The following SPAG16 variants were observed in gnomAD, a reference collection of about 807,000 sequenced individuals.
SPAG16 encodes the protein sperm associated antigen 16, also known as sperm-associated antigen 16 protein.
SPAG16 carries 86 observed loss-of-function variants against 80.4 expected under a neutral mutation model. That is an observed-to-expected ratio of 1.07 (90% CI 0.90 to 1.28). The LOEUF (loss-of-function observed/expected upper bound fraction) is 1.28. Among genes scored for constraint, SPAG16 ranks in the 50% most tolerant of loss-of-function variants. The pLI, the probability that SPAG16 is intolerant of heterozygous loss-of-function variation, is 0.00. For missense variants in SPAG16, 870 were observed against 765.3 expected (o/e 1.14, Z -1.61); for synonymous variants, 294 against 265.9 (o/e 1.11, Z -1.03).
intron 10 of SPAG16, among the ~76,000 whole-genome samples, chr2:213,861,302 G>A (rs757555067): frequency 6.6e-6 from 1 of 152,148 alleles, no homozygotes; most frequent in Non-Finnish European, 1.5e-5. Context: ...ATTAATGTAA[G>A]ATATAAATAA....
chr2:213,836,430 A>G (rs1243977182), intron 10 of SPAG16, among the ~76,000 whole-genome samples: 1 of 152,076 alleles, frequency 6.6e-6, no homozygotes, highest in Non-Finnish European at 1.5e-5. Flanking sequence ...CTCAACTATC[A>G]AAAACATTGC....
intron 10 of SPAG16, among the ~76,000 whole-genome samples, chr2:213,505,586 A>C (rs2074934610): frequency 6.6e-6 from 1 of 152,200 alleles, no homozygotes; most frequent in South Asian, 2.1e-4. Flanking sequence ...TAAATAATAC[A>C]TAATTACGTA....
At chr2:214,098,621 C>T (rs1257224787) in intron 13 of SPAG16, among the ~76,000 whole-genome samples, 2 of 152,042 alleles carry the variant, frequency 1.3e-5, no homozygotes, top group African/African-American at 4.8e-5. Flanking sequence ...AAATCTCTTT[C>T]GTTTAAGCCA....
intron 10 of SPAG16, among the ~76,000 whole-genome samples, chr2:213,792,164 G>A (rs1235916869): frequency 1.3e-5 from 2 of 152,178 alleles, no homozygotes; most frequent in African/African-American, 4.8e-5. Context: ...CAGAATTGAA[G>A]TAAGAACTAC....
At chr2:214,336,904 G>A in intron 15 of SPAG16, among the ~76,000 whole-genome samples, 1 of 36,812 alleles carries the variant, frequency 2.7e-5, no homozygotes. Context: ...TTTTCTAACA[G>A]TATAAAGACT....
At chr2:213,384,256 G>A (rs2067315932) in intron 9 of SPAG16, among the ~76,000 whole-genome samples, 2 of 152,144 alleles carry the variant, frequency 1.3e-5, no homozygotes, top group Admixed American at 6.5e-5. Flanking sequence ...CAGTTTTCAA[G>A]TCTCCTACTT....
intron 7 of SPAG16, among the ~76,000 whole-genome samples, chr2:213,355,469 C>G (rs1309895503): frequency 6.6e-6 from 1 of 152,162 alleles, no homozygotes; most frequent in Non-Finnish European, 1.5e-5. Flanking sequence ...TGGCCATTTT[C>G]AAGATATTGA....
chr2:213,327,474 C>T (rs59138793), intron 5 of SPAG16, among the ~76,000 whole-genome samples: 11,125 of 151,966 alleles, frequency 0.073, 1,333 homozygotes, highest in African/African-American at 0.25. Context: ...TTTCCTGGGA[C>T]GAGCACAAAT....
intron 9 of SPAG16, among the ~76,000 whole-genome samples, chr2:213,489,458 A>G (rs1668636123): frequency 6.6e-6 from 1 of 152,162 alleles, no homozygotes; most frequent in African/African-American, 2.4e-5. Flanking sequence ...ACTTTCAGTA[A>G]GTGTTTTTAA....
intron 3 of SPAG16, among the ~76,000 whole-genome samples, chr2:213,300,311 T>G (rs2062686562): frequency 6.6e-6 from 1 of 152,172 alleles, no homozygotes; most frequent in Non-Finnish European, 1.5e-5. Context: ...TAAGTAGAAT[T>G]TATGGAATTT....
intron 10 of SPAG16, among the ~76,000 whole-genome samples, chr2:213,782,846 A>C (rs1362473993): frequency 6.6e-6 from 1 of 152,200 alleles, no homozygotes; most frequent in Non-Finnish European, 1.5e-5. Flanking sequence ...TCATGTTTGT[A>C]ATTTTTCTCA....
chr2:214,363,229 T>C (rs1699289889), intron 15 of SPAG16, among the ~76,000 whole-genome samples: 1 of 151,954 alleles, frequency 6.6e-6, no homozygotes, highest in Non-Finnish European at 1.5e-5. Context: ...CTACCTGTAC[T>C]TCTGCAATTC....
At chr2:213,648,079 T>C (rs2062887168) in intron 10 of SPAG16, among the ~76,000 whole-genome samples, 2 of 152,346 alleles carry the variant, frequency 1.3e-5, no homozygotes, top group Middle Eastern at 3.4e-3. Flanking sequence ...ATAAGAACTT[T>C]GTATTTATCT....
At chr2:213,518,050 T>G (rs1271790548) in intron 10 of SPAG16, among the ~76,000 whole-genome samples, 1 of 152,158 alleles carries the variant, frequency 6.6e-6, no homozygotes, top group Non-Finnish European at 1.5e-5. Context: ...ATTCACAAAC[T>G]ATGCATCTGG....
intron 15 of SPAG16, among the ~76,000 whole-genome samples, chr2:214,195,787 G>T (rs567665656): frequency 6.6e-6 from 1 of 150,764 alleles, no homozygotes; most frequent in East Asian, 2.0e-4. Flanking sequence ...TGAAATTCAA[G>T]TAAAAAAAAC....
At chr2:213,737,197 T>G (rs529216893) in intron 10 of SPAG16, among the ~76,000 whole-genome samples, 11 of 152,132 alleles carry the variant, frequency 7.2e-5, no homozygotes, top group Non-Finnish European at 1.3e-4. Flanking sequence ...CTAGAAAAAA[T>G]TATGATATAC....
chr2:213,330,617 A>G (rs922103467), intron 5 of SPAG16, among the ~76,000 whole-genome samples: 4 of 152,208 alleles, frequency 2.6e-5, no homozygotes, highest in Admixed American at 2.0e-4. Flanking sequence ...TTTGTCTCAG[A>G]TAAGACTTTG....
chr2:213,957,129 T>C (rs1575648306), intron 12 of SPAG16, among the ~76,000 whole-genome samples: 1 of 152,020 alleles, frequency 6.6e-6, no homozygotes, highest in East Asian at 1.9e-4. Context: ...CTGTGTTTGT[T>C]GGATCAAGTT....
intron 14 of SPAG16, among the ~76,000 whole-genome samples, chr2:214,113,666 CT>C (rs1423180042): frequency 1.3e-5 from 2 of 152,222 alleles, no homozygotes; most frequent in African/African-American, 2.4e-5. Flanking sequence ...TGGTTTTCAG[CT>C]CCATCAAGTC....
Sources: allele counts gnomAD v4.1 joint callset (sites outside exome capture counted in the v4.1 genomes callset), GRCh38; gene constraint gnomAD v4.1.1; transcripts MANE v1.5; gene names NCBI Gene and HGNC (gene_info 2026-07-23, HGNC 2026-07-21).